FAM117B: variants seen among roughly 807,000 people sequenced by gnomAD.
The protein encoded by FAM117B is protein FAM117B.
A neutral mutation model predicts 52.8 loss-of-function variants in FAM117B; 22 were observed. The observed-to-expected ratio is 0.42, with a 90% CI of 0.30 to 0.59. The LOEUF is 0.59. Among genes scored for constraint, FAM117B ranks in the 20% least tolerant of loss-of-function variants. The probability of loss-of-function intolerance (pLI) is 0.22; values close to 1 mark genes in which losing one functional copy is unlikely to be tolerated. For synonymous variants in FAM117B, 309 were observed against 324.1 expected, an observed-to-expected ratio of 0.95 and a Z score of 0.50; for missense variants, 678 against 802.6, an observed-to-expected ratio of 0.84 and a Z score of 1.88.
At chr2:202,655,761 A>AGAGAGAGT (rs1690046684) in intron 1 of FAM117B, among the ~76,000 whole-genome samples, 19 of 100,452 alleles carry the variant, frequency 1.9e-4, no homozygotes, top group South Asian at 3.4e-4. Context: ...AGAGAGAGAG[A>AGAGAGAGT]GTGTGTGTGT....
chr2:202,690,669 A>G (rs911661855), intron 1 of FAM117B, among the ~76,000 whole-genome samples: 2 of 152,200 alleles, frequency 1.3e-5, no homozygotes, highest in African/African-American at 2.4e-5. Flanking sequence ...GGCACAGTAC[A>G]TACTGGGAAC....
intron 1 of FAM117B, among the ~76,000 whole-genome samples, chr2:202,640,295 A>AATAT (rs539187347): frequency 0.016 from 827 of 51,160 alleles, 44 homozygotes; most frequent in Non-Finnish European, 0.019. Flanking sequence ...ACCACCACAA[A>AATAT]ATATATATAT....
At chr2:202,650,485 A>G (rs1689940205) in intron 1 of FAM117B, among the ~76,000 whole-genome samples, 1 of 152,220 alleles carries the variant, frequency 6.6e-6, no homozygotes, top group Non-Finnish European at 1.5e-5. Flanking sequence ...TATTAGGGTT[A>G]TCTAGAGGAA....
intron 1 of FAM117B, among the ~76,000 whole-genome samples, chr2:202,669,583 A>G (rs528942694): frequency 6.6e-6 from 1 of 152,314 alleles, no homozygotes; most frequent in African/African-American, 2.4e-5. Context: ...AATGATAAAA[A>G]CTATCATTTG....
At chr2:202,638,292 A>G (rs902075891) in intron 1 of FAM117B, among the ~76,000 whole-genome samples, 5 of 152,218 alleles carry the variant, frequency 3.3e-5, no homozygotes, top group African/African-American at 9.7e-5. Context: ...TGGGCAGTAG[A>G]GGTGGCAGAA....
At chr2:202,655,937 A>G (rs772858882) in intron 1 of FAM117B, among the ~76,000 whole-genome samples, 1 of 152,178 alleles carries the variant, frequency 6.6e-6, no homozygotes, top group South Asian at 2.1e-4. Context: ...CTTATTTAAT[A>G]GATACAGGAC....
intron 2 of FAM117B, among the ~76,000 whole-genome samples, chr2:202,718,056 G>A (rs963602187): frequency 3.9e-5 from 6 of 152,180 alleles, no homozygotes; most frequent in African/African-American, 1.4e-4. Context: ...TCACCTTGTA[G>A]CCACCACTAC....
At chr2:202,729,048 C>A (rs1315280866) in intron 4 of FAM117B, among the ~76,000 whole-genome samples, 5 of 152,158 alleles carry the variant, frequency 3.3e-5, no homozygotes, top group African/African-American at 1.2e-4. Flanking sequence ...TTAATTGAAA[C>A]TCACGCTGGC....
chr2:202,665,482 C>T (rs1316196514), intron 1 of FAM117B, among the ~76,000 whole-genome samples: 1 of 152,196 alleles, frequency 6.6e-6, no homozygotes, highest in East Asian at 1.9e-4. Flanking sequence ...ATTAATAACT[C>T]ACTACTAACT....
chr2:202,717,114 C>A (rs1396236229), intron 2 of FAM117B, among the ~76,000 whole-genome samples: 1 of 152,148 alleles, frequency 6.6e-6, no homozygotes, highest in Admixed American at 6.5e-5. Context: ...TATTGTAGGT[C>A]TTTGTAGTCC....
chr2:202,762,294 C>G (rs1229005323), intron 7 of FAM117B, among the ~76,000 whole-genome samples: 1 of 152,026 alleles, frequency 6.6e-6, no homozygotes, highest in South Asian at 2.1e-4. Flanking sequence ...GTCTGTTTAC[C>G]TGAAAGAAAA....
intron 4 of FAM117B, among the ~76,000 whole-genome samples, chr2:202,739,234 T>C (rs1247602501): frequency 6.6e-6 from 1 of 152,220 alleles, no homozygotes; most frequent in African/African-American, 2.4e-5. Flanking sequence ...TTGTTTTCTT[T>C]GTCCCTAACT....
At chr2:202,683,871 ATTTTT>A in intron 1 of FAM117B, among the ~76,000 whole-genome samples, 1 of 147,038 alleles carries the variant, frequency 6.8e-6, no homozygotes, top group Middle Eastern at 3.5e-3. Context: ...CAAAATTTTA[ATTTTT>A]TTTTTTTGGA....
rs536714829 is a variant in FAM117B at position 202,766,025 on chromosome 2, A to G, written c.*261A>G. On this transcript the variant is annotated 3_prime_UTR_variant, in exon 8 of 8. Transcript: ENST00000392238. ...CTCATTCTTTACCTTTGGAGAGACA[A>G]TATCACGTTTTTGTTTTCGAATTAG... is the stretch of plus-strand genomic sequence containing the variant. 2 of 447,996 alleles carry G rather than the reference A, an allele frequency of 4.5e-6. No individual in the cohort carries two copies. The highest frequency in any genetic ancestry group is 7.6e-5 in the Admixed American group (2 of 26,244). The allele number at this position is 447,996 out of a possible 1,614,324, so 27.8% of individuals were successfully genotyped here.
intron 1 of FAM117B, among the ~76,000 whole-genome samples, chr2:202,668,141 AATAT>A (rs1186496177): frequency 7.1e-6 from 1 of 140,308 alleles, no homozygotes; most frequent in Non-Finnish European, 1.5e-5. Context: ...ATTTTATAAA[AATAT>A]ATAAATATAT....
intron 1 of FAM117B, among the ~76,000 whole-genome samples, chr2:202,655,056 AG>A (rs1439583665): frequency 3.3e-5 from 5 of 150,894 alleles, no homozygotes; most frequent in Non-Finnish European, 7.4e-5. Context: ...TTTCTGGAGT[AG>A]ATTTGGTTTT....
rs540435833 is a variant in FAM117B at position 202,746,946 on chromosome 2, C to G, written c.961-8592C>G. On this transcript the variant is annotated intron_variant, in intron 4 of 7. Transcript: ENST00000392238. ...CAGACACAGGCACAACAGCCACCAC[C>G]GGAAAAAAAAACAAAACAAAAAAAA... Among the ~76,000 whole-genome samples the G allele has an allele frequency of 8.3e-5, 9 of 107,920 alleles. No individual in the cohort carries two copies. The East Asian group carries it at 1.7e-3, about 21-fold the overall frequency. The allele number at this position is 107,920 out of a possible 152,430, so 70.8% of individuals were successfully genotyped here. A position where few individuals can be genotyped will look rare whatever the true frequency, so the allele number is the denominator to read the frequency against.
intron 4 of FAM117B, among the ~76,000 whole-genome samples, chr2:202,743,769 T>C (rs1691587019): frequency 6.6e-6 from 1 of 152,118 alleles, no homozygotes; most frequent in Non-Finnish European, 1.5e-5. Context: ...GCTTTAGCAA[T>C]AGACTAGATC....
At chr2:202,651,023 A>C (rs1689947273) in intron 1 of FAM117B, among the ~76,000 whole-genome samples, 1 of 151,182 alleles carries the variant, frequency 6.6e-6, no homozygotes, top group African/African-American at 2.4e-5. Context: ...GTCACAGCTC[A>C]TGATTATTTT....
Sources: gnomAD v4.1 joint callset for allele counts (sites outside exome capture counted in the v4.1 genomes callset) on GRCh38, gnomAD v4.1.1 for gene constraint, MANE v1.5 for transcripts, NCBI Gene and HGNC (gene_info 2026-07-23, HGNC 2026-07-21) for gene names.